BLTP1: variants seen among roughly 807,000 people sequenced by gnomAD.
BLTP1 encodes the protein bridge-like lipid transfer protein family member 1, also known as fragile site-associated protein.
chr4:122,207,392 G>C, the BLTP1 span: 8 of 1,397,528 alleles, frequency 5.7e-6, no homozygotes, highest in Non-Finnish European at 5.7e-6. Flanking sequence ...ATCTTTGTGA[G>C]ACTCTCAGAA....
chr4:122,298,664 T>A, the BLTP1 span: 1 of 629,110 alleles, frequency 1.6e-6, no homozygotes. Context: ...ACATTAGGTA[T>A]TTAAACATAT....
the BLTP1 span, chr4:122,302,227 A>G: frequency 3.2e-5 from 31 of 971,264 alleles, no homozygotes; most frequent in Non-Finnish European, 3.8e-5. Flanking sequence ...ACATAATGGG[A>G]AAAAATTGCT....
the BLTP1 span, chr4:122,200,988 T>A: frequency 6.3e-7 from 1 of 1,596,570 alleles, no homozygotes; most frequent in Non-Finnish European, 8.5e-7. Flanking sequence ...TAATTACTTT[T>A]ACCTAACATT....
chr4:122,260,021 G>A, the BLTP1 span: 3 of 555,258 alleles, frequency 5.4e-6, no homozygotes, highest in Non-Finnish European at 6.8e-6. Flanking sequence ...GATGCATTCT[G>A]AGAAATGGAT....
the BLTP1 span, chr4:122,188,337 A>G: frequency 2.2e-6 from 1 of 453,884 alleles, no homozygotes; most frequent in Non-Finnish European, 2.9e-6. Context: ...TTCTCCTTCT[A>G]ATTGTATTTT....
chr4:122,233,730 A>G, the BLTP1 span, among the ~76,000 whole-genome samples: 4 of 152,040 alleles, frequency 2.6e-5, no homozygotes, highest in African/African-American at 9.7e-5. Flanking sequence ...TCTCTATGTT[A>G]CTTTTTGAAA....
the BLTP1 span, chr4:122,288,691 A>C: frequency 3.7e-6 from 1 of 271,192 alleles, no homozygotes; most frequent in Non-Finnish European, 5.4e-6. Flanking sequence ...AAATAAATAA[A>C]TAAATCTATT....
chr4:122,313,757 T>G, the BLTP1 span: 2 of 939,922 alleles, frequency 2.1e-6, no homozygotes, highest in Non-Finnish European at 3.3e-6. Context: ...AAGAGAATCT[T>G]TTGGCTAAGC....
At chr4:122,190,457 A>G in the BLTP1 span, 1 of 944,476 alleles carries the variant, frequency 1.1e-6, no homozygotes, top group African/African-American at 1.8e-5. Context: ...AAATGCTGAT[A>G]TCTAGTAATA....
the BLTP1 span, chr4:122,264,227 T>C: frequency 1.9e-6 from 3 of 1,546,208 alleles, no homozygotes; most frequent in Non-Finnish European, 2.6e-6. Flanking sequence ...ATTTACATTT[T>C]ATTCTTAAAA....
chr4:122,296,203 T>G, the BLTP1 span, among the ~76,000 whole-genome samples: 2 of 152,248 alleles, frequency 1.3e-5, no homozygotes, highest in Non-Finnish European at 2.9e-5. Flanking sequence ...CAAAAGCTTC[T>G]TAAGCTGATA....
At chr4:122,157,217 G>A in the BLTP1 span, among the ~76,000 whole-genome samples, 10 of 152,268 alleles carry the variant, frequency 6.6e-5, no homozygotes, top group Admixed American at 2.0e-4. Flanking sequence ...GGTTTAAACC[G>A]ATAAATGTTT....
At chr4:122,341,772 T>G in the BLTP1 span, 8 of 985,224 alleles carry the variant, frequency 8.1e-6, no homozygotes, top group South Asian at 3.3e-4. Flanking sequence ...GTAGATGTGG[T>G]CCATACTTAC....
the BLTP1 span, chr4:122,300,918 C>CA: frequency 0.032 from 27,451 of 866,074 alleles, 10 homozygotes; most frequent in Middle Eastern, 0.035. Context: ...ATTGCCCAGG[C>CA]AAAAAAAAAA....
the BLTP1 span, among the ~76,000 whole-genome samples, chr4:122,167,177 A>G: frequency 6.6e-6 from 1 of 152,156 alleles, no homozygotes; most frequent in South Asian, 2.1e-4. Flanking sequence ...ACATAAATAC[A>G]TTTACAGCTA....
the BLTP1 span, among the ~76,000 whole-genome samples, chr4:122,220,693 A>C: frequency 2.0e-5 from 3 of 152,114 alleles, no homozygotes; most frequent in African/African-American, 7.2e-5. Context: ...GATCCCAATT[A>C]TATTTTATAC....
chr4:122,240,273 C>T, the BLTP1 span: 2 of 1,614,094 alleles, frequency 1.2e-6, no homozygotes, highest in Non-Finnish European at 1.7e-6. Context: ...ATCCTCATTG[C>T]ATCGTCCCCT....
the BLTP1 span, among the ~76,000 whole-genome samples, chr4:122,215,833 C>A: frequency 6.7e-6 from 1 of 149,194 alleles, no homozygotes; most frequent in African/African-American, 2.6e-5. Context: ...TTTTATCCCT[C>A]ACCCCCCCCA....
the BLTP1 span, chr4:122,223,106 T>A: frequency 1.1e-6 from 1 of 925,324 alleles, no homozygotes; most frequent in Admixed American, 6.2e-5. Context: ...AGAAGTCAGG[T>A]GATTTTATAT....
Sources: gnomAD v4.1 joint callset for allele counts (sites outside exome capture counted in the v4.1 genomes callset) on GRCh38, gnomAD v4.1.1 for gene constraint, MANE v1.5 for transcripts, NCBI Gene and HGNC (gene_info 2026-07-23, HGNC 2026-07-21) for gene names.